RALGPS2: variants seen among roughly 807,000 people sequenced by gnomAD.
RALGPS2 encodes the protein ras-specific guanine nucleotide-releasing factor RalGPS2.
RALGPS2 carries 43 observed loss-of-function variants against 86.8 expected under a neutral mutation model. That is an observed-to-expected ratio of 0.50 (90% CI 0.39 to 0.64). The LOEUF is 0.64. Among genes scored for constraint, RALGPS2 ranks in the 30% least tolerant of loss-of-function variants. RALGPS2 has a pLI of 0.00. For missense variants in RALGPS2, 536 were observed against 694.6 expected (o/e 0.77, Z 2.57); for synonymous variants, 243 against 231.3 (o/e 1.05, Z -0.46).
chr1:178,884,812 GTC>G (rs1659405736), intron 11 of RALGPS2, among the ~76,000 whole-genome samples: 2 of 152,178 alleles, frequency 1.3e-5, no homozygotes, highest in African/African-American at 4.8e-5. Context: ...GTGAAAGCTA[GTC>G]TCTTCTAATT....
At chr1:178,810,685 CATA>C (rs1397880448) in intron 5 of RALGPS2, among the ~76,000 whole-genome samples, 3 of 151,700 alleles carry the variant, frequency 2.0e-5, no homozygotes, top group Non-Finnish European at 4.4e-5. Context: ...AAAATACATA[CATA>C]ATGACATTTC....
At chr1:178,786,451 A>C (rs1046653292) in intron 4 of RALGPS2, among the ~76,000 whole-genome samples, 1 of 151,994 alleles carries the variant, frequency 6.6e-6, no homozygotes, top group African/African-American at 2.4e-5. Context: ...GAAACACATC[A>C]TTTGTTTCTA....
At position 178,784,436 on chromosome 1, in the gene RALGPS2, T is replaced by G; in HGVS notation, c.76T>G (p.Ser26Ala). 6.2e-7 allele frequency: 1 copy of G among 1,604,312 alleles called. No individual in the cohort carries two copies. Among genetic ancestry groups the G allele is most frequent in the Middle Eastern group, 1.7e-4 (1 of 6,012 alleles). The change falls in exon 3 of 20, where the codon TCC (serine) becomes GCC (alanine). Residue 26 changes from serine to alanine, a missense_variant. Ser to Ala is a moderately conservative substitution (Grantham distance 99, BLOSUM62 1). Around this residue, in one of 3 missense-constraint regions of RALGPS2, gnomAD observed 43 missense variants for 34.9 expected, o/e 1.23. Transcript: ENST00000367635. ...TTAACAGAAAAGTAGCAGCTCTGAA[T>G]CCTTAAGTGACAAAGGCTCTGAATT... ...TASEKSSSSE[S>A]LSDKGSELKK...
Position 178,728,127 on chromosome 1 carries a change from C to G in RALGPS2, c.-84+2708C>G, listed in dbSNP as rs536972225. On this transcript the variant is annotated intron_variant, in intron 1 of 19. Coordinates refer to ENST00000367635, the MANE Select transcript of RALGPS2 (RefSeq NM_152663.5). ...TTACATGTGGTTAGACAGCCTTATT[C>G]TTTTGGTTTATGTAGTTAAATGAAT... Among the ~76,000 whole-genome samples the G allele has an allele frequency of 5.3e-5, 8 of 151,726 alleles. No individual in the cohort carries two copies. The South Asian group carries it at 1.7e-3, about 31-fold the overall frequency.
Position 178,833,443 on chromosome 1 carries a change from A to G in RALGPS2, c.500A>G (p.Lys167Arg), listed in dbSNP as rs779308103. The change falls in exon 8 of 20, where the codon AAA (lysine) becomes AGA (arginine). Residue 167 changes from lysine to arginine, a missense_variant. This residue lies in a region of RALGPS2 where 184 missense variants were observed against 296.7 expected (regional missense o/e 0.62). Coordinates refer to ENST00000367635, the MANE Select transcript of RALGPS2 (RefSeq NM_152663.5). Reference sequence around the variant, plus strand: ...TTTTAGTTATTAAGTCGAAAAGACAAAACTACCTTTGAAAAATTAGAATAT... The same window carrying G: ...TTTTAGTTATTAAGTCGAAAAGACAGAACTACCTTTGAAAAATTAGAATAT... ...KTWALLSRKDKTTFEKLEYVM... is the reference protein window; with the variant it reads ...KTWALLSRKDRTTFEKLEYVM... 6.8e-5 allele frequency: 103 copies of G among 1,512,340 alleles called. No homozygotes were observed. Among genetic ancestry groups the G allele is most frequent in the Non-Finnish European group, 7.8e-5 (89 of 1,143,112 alleles). The allele number at this position is 1,512,340 out of a possible 1,614,324, so 93.7% of individuals were successfully genotyped here.
intron 8 of RALGPS2, among the ~76,000 whole-genome samples, chr1:178,874,855 G>T (rs1658929016): frequency 6.6e-6 from 1 of 152,148 alleles, no homozygotes; most frequent in Non-Finnish European, 1.5e-5. Context: ...CTCCTAAGCA[G>T]TCTGCCCGCC....
chr1:178,906,887 C>T lies in RALGPS2; in HGVS notation c.1722+20C>T, dbSNP rs547564325. The T allele has an allele frequency of 1.2e-6, 2 of 1,603,622 alleles. No homozygotes were observed. Among genetic ancestry groups the T allele is most frequent in the African/African-American group, 1.3e-5 (1 of 74,662 alleles). On this transcript the variant is annotated intron_variant, in intron 19 of 19. Coordinates refer to ENST00000367635, the MANE Select transcript of RALGPS2 (RefSeq NM_152663.5). ...CAACAGGTAAGCATTTCTCCTAATTCTCAGAATAGTCCATAATTTGGGAAC... is the reference window on the plus strand; with the variant it reads ...CAACAGGTAAGCATTTCTCCTAATTTTCAGAATAGTCCATAATTTGGGAAC...
At chr1:178,880,003 CTCTTT>C (rs762919267) in intron 10 of RALGPS2, among the ~76,000 whole-genome samples, 70 of 152,016 alleles carry the variant, frequency 4.6e-4, no homozygotes, top group African/African-American at 8.4e-4. Flanking sequence ...TGAAGCTTCA[CTCTTT>C]TCTTTTAGCT....
At chr1:178,911,857 T>G (rs568671225) in intron 19 of RALGPS2, among the ~76,000 whole-genome samples, 2 of 152,320 alleles carry the variant, frequency 1.3e-5, no homozygotes, top group Admixed American at 1.3e-4. Context: ...TTTGTAGGTC[T>G]CTAAGAACTT....
At chr1:178,861,982 C>A (rs1022677877) in intron 8 of RALGPS2, among the ~76,000 whole-genome samples, 12 of 152,088 alleles carry the variant, frequency 7.9e-5, no homozygotes, top group Non-Finnish European at 1.6e-4. Context: ...AAGTGATTCT[C>A]CTGCCTCAGC....
chr1:178,832,755 A>G (rs1322200680), intron 7 of RALGPS2, among the ~76,000 whole-genome samples: 1 of 151,554 alleles, frequency 6.6e-6, no homozygotes, highest in Non-Finnish European at 1.5e-5. Context: ...CTTTTAGTGA[A>G]CACCATTGTG....
At chr1:178,877,296 T>C (rs1394876749) in intron 8 of RALGPS2, among the ~76,000 whole-genome samples, 1 of 152,064 alleles carries the variant, frequency 6.6e-6, no homozygotes, top group African/African-American at 2.4e-5. Context: ...TACAAAAAAT[T>C]GGTATATGTC....
At chr1:178,760,663 G>A (rs1652192614) in intron 1 of RALGPS2, among the ~76,000 whole-genome samples, 1 of 152,098 alleles carries the variant, frequency 6.6e-6, no homozygotes, top group Admixed American at 6.6e-5. Context: ...TCTGCTGTTA[G>A]ACTGATGTGG....
At chr1:178,856,093 T>A (rs1234812342) in intron 8 of RALGPS2, among the ~76,000 whole-genome samples, 1 of 148,944 alleles carries the variant, frequency 6.7e-6, no homozygotes, top group East Asian at 1.9e-4. Context: ...AAAAGTTCTG[T>A]ACGATAAGGA....
At chr1:178,741,697 G>A (rs944501321) in intron 1 of RALGPS2, among the ~76,000 whole-genome samples, 1 of 151,908 alleles carries the variant, frequency 6.6e-6, no homozygotes, top group Non-Finnish European at 1.5e-5. Flanking sequence ...AGATAAAATG[G>A]AATTAGAAAC....
At chr1:178,811,264 A>T in intron 5 of RALGPS2, 51 bp from the exon 6 acceptor site, 12 of 1,406,456 alleles carry the variant, frequency 8.5e-6, no homozygotes, top group Non-Finnish European at 1.1e-5. Flanking sequence ...CAGCAAAAAA[A>T]CTTACAAATT....
At chr1:178,747,846 CATA>C (rs1429320489) in intron 1 of RALGPS2, 8 of 598,016 alleles carry the variant, frequency 1.3e-5, no homozygotes, top group Non-Finnish European at 1.8e-5. Flanking sequence ...TTACATTAAT[CATA>C]ATGTTAATAG....
rs1654817424 is a variant in RALGPS2, at chr1:178,807,974, T to A, written c.214-71T>A. On this transcript the variant is annotated intron_variant, in intron 4 of 19. Coordinates refer to ENST00000367635, the MANE Select transcript of RALGPS2 (RefSeq NM_152663.5). ...AAAGAACACAAACTGTCTTTAATGT[T>A]TTGAAAGCCTTAATCTGGCAGAAAA... 5 of 928,968 alleles carry A rather than the reference T, an allele frequency of 5.4e-6. No individual in the cohort carries two copies. The Admixed American group carries it at 7.4e-5, about 14-fold the overall frequency. The allele number at this position is 928,968 out of a possible 1,614,324, so 57.5% of individuals were successfully genotyped here.
chr1:178,858,152 T>C (rs920744642), intron 8 of RALGPS2, among the ~76,000 whole-genome samples: 10 of 152,140 alleles, frequency 6.6e-5, no homozygotes, highest in Non-Finnish European at 1.0e-4. Context: ...AGTAAAGATA[T>C]TAGATATCAG....
Sources: gnomAD v4.1 joint callset for allele counts (sites outside exome capture counted in the v4.1 genomes callset) on GRCh38, gnomAD v4.1.1 for gene constraint, gnomAD v4.1.1 regional missense constraint, MANE v1.5 for transcripts, NCBI Gene and HGNC (gene_info 2026-07-23, HGNC 2026-07-21) for gene names.